FOXRED2: variants seen among roughly 807,000 people sequenced by gnomAD.
The protein encoded by FOXRED2 is FAD dependent oxidoreductase domain containing 2, also known as FAD-dependent oxidoreductase domain-containing protein 2.
In FOXRED2, 32 loss-of-function variants were observed where a neutral mutation model predicts 52.5. That is an observed-to-expected ratio of 0.61 (90% CI 0.46 to 0.82). FOXRED2 has a LOEUF of 0.82. Among genes scored for constraint, FOXRED2 ranks in the 40% least tolerant of loss-of-function variants. FOXRED2 has a pLI of 0.00. For missense variants in FOXRED2, 848 were observed against 937.5 expected (o/e 0.90, Z 1.25); for synonymous variants, 405 against 398.1 (o/e 1.02, Z -0.21).
rs763098194 is a variant in FOXRED2, at chr22:36,504,523, T to G, written c.771A>C (p.Gly257=). ...GCGGGGATGTGGCCTACCTGAGGTCTCCAACGTAGTGGGTGGCCCAGGACA... is the reference window on the plus strand; with the variant it reads ...GCGGGGATGTGGCCTACCTGAGGTCGCCAACGTAGTGGGTGGCCCAGGACA... ...VRLSWATHYV[G]DLRAINNGLL... is the part of the protein sequence containing the mutation. Residue 257 remains glycine, a synonymous_variant, in exon 3 of 9, where the codon GGA becomes GGC. Coordinates refer to ENST00000397224, the MANE Select transcript of FOXRED2 (RefSeq NM_001102371.2). 1 of 1,614,102 alleles carries G rather than the reference T, an allele frequency of 6.2e-7. No homozygotes were observed. Among genetic ancestry groups the G allele is most frequent in the African/African-American group, 1.3e-5 (1 of 75,018 alleles).
In FOXRED2 at chr22:36,490,927, C is replaced by T. The variant is rs376578314; in HGVS notation, c.1796-660G>A. 4.6e-5 allele frequency among the ~76,000 whole-genome samples: 7 copies of T among 152,236 alleles called. No homozygotes were observed. In the East Asian group the frequency reaches 5.8e-4, roughly 13 times the overall value. On this transcript the variant is annotated intron_variant, in intron 8 of 8. Coordinates refer to ENST00000397224, the MANE Select transcript of FOXRED2 (RefSeq NM_001102371.2). ...TCCGACAACTCTGGGAGGCCGAGGC[C>T]GGTGGATCGCCTGAGGTTAGGACTT...
chr22:36,490,428 G>A lies in FOXRED2; in HGVS notation c.1796-161C>T, dbSNP rs549424018. On this transcript the variant is annotated intron_variant, in intron 8 of 8. Transcript: ENST00000397224. Reference sequence around the variant, plus strand: ...GAGCTGACCTTTCTGGGCATCTCACGTCCAACCTGAGTAGGTCATGAATCA... The same window carrying A: ...GAGCTGACCTTTCTGGGCATCTCACATCCAACCTGAGTAGGTCATGAATCA... Among the ~76,000 whole-genome samples, 10 of 152,334 alleles carry A rather than the reference G, an allele frequency of 6.6e-5. No homozygotes were observed. The South Asian group carries it at 1.9e-3, about 28-fold the overall frequency.
intron 6 of FOXRED2, 34 bp downstream of exon 6, chr22:36,497,957 G>A (rs371892285): frequency 6.3e-7 from 1 of 1,597,842 alleles, no homozygotes; most frequent in Non-Finnish European, 8.6e-7. Flanking sequence ...GGAAAGCTGG[G>A]CCGAGGGGAG....
chr22:36,493,658 GTCCAA>G lies in FOXRED2; in HGVS notation c.1765_1769del (p.Leu589HisfsTer89). The stretch of plus-strand genomic sequence containing the variant: ...CTGCATAGAAGCTTCGCAAATCGGT[GTCCAA>G]ACAGTTCTCCAGGAAGCGCCTCAGA... On this transcript the variant is annotated frameshift_variant, in exon 8 of 9. Transcript: ENST00000397224. LOFTEE classifies it low-confidence loss of function (END_TRUNC). The G allele has an allele frequency of 6.2e-7, 1 of 1,614,172 alleles. No homozygotes were observed. The highest frequency in any genetic ancestry group is 8.5e-7 in the Non-Finnish European group (1 of 1,180,002).
Position 36,490,022 on chromosome 22 carries a change from T to A in FOXRED2, c.2041A>T (p.Lys681Ter), listed in dbSNP as rs766827721. 8.8e-6 allele frequency: 14 copies of A among 1,587,058 alleles called. No individual in the cohort carries two copies. The highest frequency in any genetic ancestry group is 1.2e-5 in the Non-Finnish European group (14 of 1,163,428). The change falls in exon 9 of 9, where the codon AAA becomes TAA. Residue 681 changes from lysine to a stop codon, truncating the protein, a stop_gained. Coordinates refer to ENST00000397224, the MANE Select transcript of FOXRED2 (RefSeq NM_001102371.2). LOFTEE classifies it high-confidence loss of function. ...GGAAGGGACAGTCAGAGCTCCTCTT[T>A]GTTGCTATCGACGGACTGAGCCAGA... ...GPLAQSVDSN[K>*]EEL
intron 8 of FOXRED2, among the ~76,000 whole-genome samples, chr22:36,490,507 A>G (rs1933728850): frequency 6.6e-6 from 1 of 152,234 alleles, no homozygotes; most frequent in African/African-American, 2.4e-5. Flanking sequence ...CTGGAAGAAC[A>G]AGGCTCCAAA....
chr22:36,492,997 G>A (rs1371775462), intron 8 of FOXRED2, among the ~76,000 whole-genome samples: 1 of 152,174 alleles, frequency 6.6e-6, no homozygotes, highest in Admixed American at 6.5e-5. Context: ...CTCCTCCTTT[G>A]GAGGGTTTTG....
At chr22:36,494,171 C>T (rs1003499286) in intron 7 of FOXRED2, among the ~76,000 whole-genome samples, 6 of 152,184 alleles carry the variant, frequency 3.9e-5, no homozygotes, top group Admixed American at 3.9e-4. Flanking sequence ...GGCTGTCATG[C>T]AGTGGCACAA....
Position 36,496,063 on chromosome 22 carries a change from C to T in FOXRED2, c.1528G>A (p.Val510Ile), listed in dbSNP as rs780157982. The stretch of plus-strand genomic sequence containing the variant: ...CCCACAGACCGGTCATCAAAGAAGA[C>T]GTCCTTGTCGGGGCCAGAGAAATTT... ...GRNFSGPDKDVFFDDRSVGHT... is the reference protein window; with the variant it reads ...GRNFSGPDKDIFFDDRSVGHT... Residue 510 changes from valine (V) to isoleucine (I), a missense_variant, in exon 7 of 9, where the codon GTC (valine) becomes ATC (isoleucine). By Grantham distance (29) the Val-to-Ile change is conservative. Transcript: ENST00000397224. 1.9e-5 allele frequency: 30 copies of T among 1,614,224 alleles called. No individual in the cohort carries two copies. Among genetic ancestry groups the T allele is most frequent in the Admixed American group, 3.3e-5 (2 of 60,034 alleles).
intron 8 of FOXRED2, among the ~76,000 whole-genome samples, chr22:36,492,827 A>G (rs1029440665): frequency 2.6e-5 from 4 of 152,168 alleles, no homozygotes; most frequent in African/African-American, 9.7e-5. Flanking sequence ...CTAAAAGTGT[A>G]TTTCTTGAGA....
chr22:36,489,051 CATT>C lies in FOXRED2; in HGVS notation c.*954_*956del, dbSNP rs1367145571. ...AGAGACTAGGAACCAAATTCATCATCATTATCACACAAAGGCATTTGGAAATGT... is the reference window on the plus strand; with the variant it reads ...AGAGACTAGGAACCAAATTCATCATCATCACACAAAGGCATTTGGAAATGT... On this transcript the variant is annotated 3_prime_UTR_variant, in exon 9 of 9. Transcript: ENST00000397224. The C allele has an allele frequency of 3.3e-5, 5 of 152,242 alleles. No homozygotes were observed. The highest frequency in any genetic ancestry group is 6.5e-5 in the Admixed American group (1 of 15,282). 9.4% of individuals were successfully genotyped at this position (152,242 alleles called of 1,614,324 possible). A position where few individuals can be genotyped will look rare whatever the true frequency, so the allele number is the denominator to read the frequency against.
Position 36,506,141 on chromosome 22 carries a change from G to A in FOXRED2, c.282C>T (p.Asn94=), listed in dbSNP as rs1568993986. ...GCAGAGAGTTCCAGTCGTGGCGGAG[G>A]TTGAACTCGGCGTTAGCCTTGCCCG... ...RYTGKANAEF[N]LRHDWNSLLS... Residue 94 remains asparagine, a synonymous_variant, in exon 2 of 9, where the codon AAC becomes AAT. Coordinates refer to ENST00000397224, the MANE Select transcript of FOXRED2 (RefSeq NM_001102371.2). 6.2e-6 allele frequency: 10 copies of A among 1,614,152 alleles called. No homozygotes were observed. Among genetic ancestry groups the A allele is most frequent in the African/African-American group, 2.7e-5 (2 of 74,956 alleles).
chr22:36,501,100 A>G (rs1432018405), intron 5 of FOXRED2, 141 bp downstream of exon 5: 3 of 904,594 alleles, frequency 3.3e-6, no homozygotes, highest in Admixed American at 4.7e-5. Flanking sequence ...ACCTGTTGTC[A>G]CTTCCCCAAG....
At chr22:36,498,895 T>C (rs939756411) in intron 5 of FOXRED2, among the ~76,000 whole-genome samples, 10 of 151,766 alleles carry the variant, frequency 6.6e-5, no homozygotes, top group African/African-American at 2.4e-4. Flanking sequence ...CTTATTATTG[T>C]AGTCCTCTAA....
chr22:36,490,649 C>T (rs1933732797), intron 8 of FOXRED2, among the ~76,000 whole-genome samples: 1 of 152,254 alleles, frequency 6.6e-6, no homozygotes, highest in Non-Finnish European at 1.5e-5. Flanking sequence ...GCTGGGAACT[C>T]AGTGGTCAGT....
chr22:36,493,762 G>C lies in FOXRED2; in HGVS notation c.1666C>G (p.Arg556Gly). 1 of 1,614,208 alleles carries C rather than the reference G, an allele frequency of 6.2e-7. No homozygotes were observed. ...RFRPAHWPLP[R>G]PTAIHHIVED... is the part of the protein sequence containing the mutation. Reference sequence around the variant, plus strand: ...ACGATGTGATGGATGGCCGTGGGCCGAGGCAGGGGCCAGTGTGCAGGGCGG... The same window carrying C: ...ACGATGTGATGGATGGCCGTGGGCCCAGGCAGGGGCCAGTGTGCAGGGCGG... The change falls in exon 8 of 9, where the codon CGG (arginine) becomes GGG (glycine). Residue 556 changes from arginine to glycine, a missense_variant. By Grantham distance (125) the Arg-to-Gly change is moderately radical. Coordinates refer to ENST00000397224, the MANE Select transcript of FOXRED2 (RefSeq NM_001102371.2).
At chr22:36,496,559 G>A (rs1410592693) in intron 6 of FOXRED2, among the ~76,000 whole-genome samples, 1 of 152,228 alleles carries the variant, frequency 6.6e-6, no homozygotes, top group East Asian at 1.9e-4. Flanking sequence ...CAGGAGAGGG[G>A]GCCGGAGGCC....
At chr22:36,495,021 T>G (rs1186442404) in intron 7 of FOXRED2, among the ~76,000 whole-genome samples, 1 of 152,040 alleles carries the variant, frequency 6.6e-6, no homozygotes, top group Non-Finnish European at 1.5e-5. Flanking sequence ...CTCGGCTCAC[T>G]GCAACCTCTG....
Position 36,493,637 on chromosome 22 carries a change from A to T in FOXRED2, c.1791T>A (p.Tyr597Ter), listed in dbSNP as rs1436994747. The change falls in exon 8 of 9, where the codon TAT becomes TAA. Residue 597 changes from tyrosine to a stop codon, truncating the protein, a stop_gained. Coordinates refer to ENST00000397224, the MANE Select transcript of FOXRED2 (RefSeq NM_001102371.2). LOFTEE classifies it low-confidence loss of function (END_TRUNC). ...NCLDTDLRSF[Y>*]AESCFLFALT... ...CTTTCTGGGAGCTTAAGTTACCTGCATAGAAGCTTCGCAAATCGGTGTCCA... is the reference window on the plus strand; with the variant it reads ...CTTTCTGGGAGCTTAAGTTACCTGCTTAGAAGCTTCGCAAATCGGTGTCCA... 6.2e-7 allele frequency: 1 copy of T among 1,613,982 alleles called. No homozygotes were observed. Among genetic ancestry groups the T allele is most frequent in the African/African-American group, 1.3e-5 (1 of 74,952 alleles).
Sources: gnomAD v4.1 joint callset for allele counts (sites outside exome capture counted in the v4.1 genomes callset) on GRCh38, gnomAD v4.1.1 for gene constraint, MANE v1.5 for transcripts, NCBI Gene and HGNC (gene_info 2026-07-23, HGNC 2026-07-21) for gene names.